Variants in DENND5B observed in about 807,000 individuals in gnomAD.
DENND5B encodes the protein DENN domain-containing protein 5B.
In DENND5B, 34 loss-of-function variants were observed where a neutral mutation model predicts 140.6. That is an observed-to-expected ratio of 0.24 (90% CI 0.18 to 0.32). The LOEUF (loss-of-function observed/expected upper bound fraction) is 0.32, where lower values mean the gene tolerates loss of function less well. Ranked by LOEUF, DENND5B falls within the 10% of genes least tolerant of loss-of-function variation. The probability of loss-of-function intolerance (pLI) is 1.00; values close to 1 mark genes in which losing one functional copy is unlikely to be tolerated. For missense variants in DENND5B, 1,142 were observed against 1,560.2 expected (o/e 0.73, Z 4.52); for synonymous variants, 551 against 562.1 (o/e 0.98, Z 0.28).
chr12:31,424,442 C>A, intron 10 of DENND5B, 93 bp downstream of exon 10: 2 of 1,281,436 alleles, frequency 1.6e-6, no homozygotes, highest in Non-Finnish European at 2.1e-6. Context: ...ACAAAAGAGC[C>A]TATTTTTTTT....
At chr12:31,561,350 G>A (rs1359179837) in intron 1 of DENND5B, among the ~76,000 whole-genome samples, 16 of 152,210 alleles carry the variant, frequency 1.1e-4, no homozygotes, top group Admixed American at 9.8e-4. Context: ...TAAGCCAAGC[G>A]TGGTGGCACA....
At chr12:31,419,635 G>A (rs1255172765) in intron 11 of DENND5B, among the ~76,000 whole-genome samples, 1 of 152,050 alleles carries the variant, frequency 6.6e-6, no homozygotes, top group Non-Finnish European at 1.5e-5. Flanking sequence ...ATAAGATGAA[G>A]AGTGACTCAA....
intron 5 of DENND5B, among the ~76,000 whole-genome samples, chr12:31,449,151 AG>A (rs1403552950): frequency 6.6e-6 from 1 of 152,214 alleles, no homozygotes; most frequent in Non-Finnish European, 1.5e-5. Context: ...AGAAGCCAGA[AG>A]GGGAAAGGGG....
chr12:31,412,060 T>C (rs1437873456), intron 13 of DENND5B, among the ~76,000 whole-genome samples: 1 of 152,180 alleles, frequency 6.6e-6, no homozygotes, highest in Non-Finnish European at 1.5e-5. Context: ...ATGATTCTCC[T>C]GATTCAGCCT....
chr12:31,482,824 A>G (rs1359013173), intron 2 of DENND5B, among the ~76,000 whole-genome samples: 1 of 152,192 alleles, frequency 6.6e-6, no homozygotes, highest in Admixed American at 6.5e-5. Flanking sequence ...TTTCCCTTAT[A>G]AGAGCCAAAG....
intron 7 of DENND5B, 36 bp downstream of exon 7, chr12:31,442,739 C>T (rs1944090792): frequency 6.3e-7 from 1 of 1,598,192 alleles, no homozygotes; most frequent in Non-Finnish European, 8.5e-7. Flanking sequence ...TTCATTCATT[C>T]CTTCAACCAA....
chr12:31,558,309 G>C (rs1390495928), intron 1 of DENND5B, among the ~76,000 whole-genome samples: 1 of 151,914 alleles, frequency 6.6e-6, no homozygotes, highest in Non-Finnish European at 1.5e-5. Context: ...CTTGGAGCAA[G>C]AGGCAATTGC....
intron 1 of DENND5B, among the ~76,000 whole-genome samples, chr12:31,523,837 T>C (rs1947991246): frequency 6.6e-6 from 1 of 152,212 alleles, no homozygotes; most frequent in Non-Finnish European, 1.5e-5. Flanking sequence ...AGATCTTGAA[T>C]CCTAAGACTG....
intron 1 of DENND5B, among the ~76,000 whole-genome samples, chr12:31,536,997 T>TA (rs1476526484): frequency 1.3e-5 from 2 of 151,954 alleles, no homozygotes; most frequent in Non-Finnish European, 2.9e-5. Context: ...ACTTCAAACA[T>TA]AGAGAAATAA....
chr12:31,564,854 G>A (rs1346696644), intron 1 of DENND5B, among the ~76,000 whole-genome samples: 1 of 151,890 alleles, frequency 6.6e-6, no homozygotes, highest in Non-Finnish European at 1.5e-5. Context: ...CTCCCTAAGT[G>A]CTAGATTACA....
At chr12:31,413,960 A>C (rs1184024459) in intron 12 of DENND5B, among the ~76,000 whole-genome samples, 3 of 152,224 alleles carry the variant, frequency 2.0e-5, no homozygotes, top group Non-Finnish European at 4.4e-5. Context: ...AGCATAATTA[A>C]ATATCAGTCA....
intron 13 of DENND5B, among the ~76,000 whole-genome samples, chr12:31,411,970 C>CT (rs980296449): frequency 3.3e-5 from 5 of 151,888 alleles, no homozygotes; most frequent in South Asian, 2.1e-4. Context: ...AAGACAGCTT[C>CT]TTTTTTTTGT....
At chr12:31,528,931 G>A (rs1201139404) in intron 1 of DENND5B, among the ~76,000 whole-genome samples, 5 of 151,846 alleles carry the variant, frequency 3.3e-5, no homozygotes, top group Non-Finnish European at 7.4e-5. Flanking sequence ...GGAGGCCGAG[G>A]CAGGCGACCA....
Position 31,492,175 on chromosome 12 carries a change from C to T in DENND5B, c.237+3635G>A, listed in dbSNP as rs527519811. Among the ~76,000 whole-genome samples, 7 of 149,756 alleles carry T rather than the reference C, an allele frequency of 4.7e-5. No individual in the cohort carries two copies. In the South Asian group the frequency reaches 1.0e-3, roughly 22 times the overall value. On this transcript the variant is annotated intron_variant, in intron 2 of 20. Coordinates refer to ENST00000389082, the MANE Select transcript of DENND5B (RefSeq NM_144973.4). ...CTTAACCATCAAAACACAGCCTTTG[C>T]GATTATTCTTCAGGGGGAAACTTTT... is the stretch of plus-strand genomic sequence containing the variant.
intron 1 of DENND5B, among the ~76,000 whole-genome samples, chr12:31,568,911 A>C (rs1275299250): frequency 1.3e-5 from 2 of 151,908 alleles, no homozygotes; most frequent in Non-Finnish European, 2.9e-5. Context: ...GAAGTGGGCT[A>C]ATCTATATTC....
In DENND5B at chr12:31,406,255, T is replaced by C. The variant is rs761365642; in HGVS notation, c.2803+3008A>G. Among the ~76,000 whole-genome samples the C allele has an allele frequency of 2.0e-4, 30 of 152,114 alleles. No homozygotes were observed. The South Asian group carries it at 4.2e-3, about 21-fold the overall frequency. ...AAGCCCTCCGTGAAAGATCTACAAG[T>C]AGGATGAAAAACATTTACTAAAGAA... On this transcript the variant is annotated intron_variant, in intron 14 of 20. Coordinates refer to ENST00000389082, the MANE Select transcript of DENND5B (RefSeq NM_144973.4).
intron 4 of DENND5B, among the ~76,000 whole-genome samples, chr12:31,456,376 C>T (rs990677804): frequency 6.6e-6 from 1 of 151,468 alleles, no homozygotes; most frequent in Non-Finnish European, 1.5e-5. Context: ...AAAACAAAGG[C>T]TTAAAGCTTA....
chr12:31,433,078 C>A, intron 8 of DENND5B, 77 bp downstream of exon 8: 1 of 1,193,024 alleles, frequency 8.4e-7, no homozygotes, highest in Non-Finnish European at 1.2e-6. Flanking sequence ...AGAATCTACA[C>A]AATGACATCT....
chr12:31,542,900 G>C (rs979799646), intron 1 of DENND5B, among the ~76,000 whole-genome samples: 2 of 152,260 alleles, frequency 1.3e-5, no homozygotes, highest in Non-Finnish European at 1.5e-5. Context: ...AAGTTGCAGG[G>C]AGCCAAGACT....
Sources: gnomAD v4.1 joint callset for allele counts (sites outside exome capture counted in the v4.1 genomes callset) on GRCh38, gnomAD v4.1.1 for gene constraint, MANE v1.5 for transcripts, NCBI Gene and HGNC (gene_info 2026-07-23, HGNC 2026-07-21) for gene names.